The following OSBPL11 variants were observed in gnomAD, a reference collection of about 807,000 sequenced individuals.
OSBPL11 encodes oxysterol binding protein like 11.
Under a neutral mutation model 84.4 loss-of-function variants are expected in OSBPL11, and 33 were observed. The ratio of observed to expected loss-of-function variants is 0.39; its 90% confidence interval spans 0.30 to 0.52. OSBPL11 has a LOEUF of 0.52. OSBPL11 is among the 20% of genes least tolerant of loss of function. The pLI, the probability that OSBPL11 is intolerant of heterozygous loss-of-function variation, is 0.72. For missense variants in OSBPL11, 736 were observed against 901.1 expected, an observed-to-expected ratio of 0.82 and a Z score of 2.35; for synonymous variants, 276 against 310.2, an observed-to-expected ratio of 0.89 and a Z score of 1.16.
At position 125,560,532 on chromosome 3, in the gene OSBPL11, CAAAGCA is replaced by C. The variant is rs1553734127; in HGVS notation, c.1015-19_1015-14del. The C allele has an allele frequency of 6.5e-7, 1 of 1,542,454 alleles. No homozygotes were observed. Among genetic ancestry groups the C allele is most frequent in the Non-Finnish European group, 8.8e-7 (1 of 1,138,988 alleles). ...TTTCTTCAGGCTCCTTGATGGAAAACAAAGCAAAAGTCTAGTATTTTAACTACCTAT... is the reference window on the plus strand; with the variant it reads ...TTTCTTCAGGCTCCTTGATGGAAAACAAAGTCTAGTATTTTAACTACCTAT... On this transcript the variant is annotated splice_polypyrimidine_tract_variant and intron_variant, in intron 7 of 12. Coordinates refer to ENST00000296220, the MANE Select transcript of OSBPL11 (RefSeq NM_022776.5).
At chr3:125,572,378 G>C (rs943153824) in intron 5 of OSBPL11, among the ~76,000 whole-genome samples, 2 of 152,128 alleles carry the variant, frequency 1.3e-5, no homozygotes, top group African/African-American at 4.8e-5. Flanking sequence ...AGTCTTTGGG[G>C]GACTGTTGGG....
chr3:125,578,188 T>C (rs1017349002), intron 4 of OSBPL11, among the ~76,000 whole-genome samples: 1 of 152,082 alleles, frequency 6.6e-6, no homozygotes, highest in African/African-American at 2.4e-5. Context: ...TACTCAGTCT[T>C]AAAAAAGGAA....
At chr3:125,589,773 T>TG (rs1580067625) in intron 1 of OSBPL11, among the ~76,000 whole-genome samples, 2 of 152,216 alleles carry the variant, frequency 1.3e-5, no homozygotes, top group African/African-American at 4.8e-5. Flanking sequence ...GTATTGACAG[T>TG]GGAAGAAACC....
chr3:125,575,315 A>G (rs891844857), intron 5 of OSBPL11, among the ~76,000 whole-genome samples: 4 of 152,086 alleles, frequency 2.6e-5, no homozygotes, highest in Admixed American at 6.6e-5. Flanking sequence ...TAATGATTCT[A>G]TATGTTTGAA....
At position 125,557,791 on chromosome 3, in the gene OSBPL11, CTTTTTTTTTTTTTT is replaced by C. The variant is rs11295103; in HGVS notation, c.1155+2574_1155+2587del. Reference sequence around the variant, plus strand: ...ATATATGTGTAACACATACAACTTTCTTTTTTTTTTTTTTTTTTTTTTTTGAGACAGGGTCTCGC... The same window carrying C: ...ATATATGTGTAACACATACAACTTTCTTTTTTTTTTGAGACAGGGTCTCGC... On this transcript the variant is annotated intron_variant, in intron 8 of 12. Transcript: ENST00000296220. 4.9e-5 allele frequency among the ~76,000 whole-genome samples: 4 copies of C among 81,952 alleles called. No individual in the cohort carries two copies. The East Asian group carries it at 1.4e-3, about 28-fold the overall frequency. 53.8% of individuals were successfully genotyped at this position (81,952 alleles called of 152,430 possible).
chr3:125,583,176 C>G (rs1269370035), intron 1 of OSBPL11, among the ~76,000 whole-genome samples, 198 bp from the exon 2 acceptor site: 1 of 151,996 alleles, frequency 6.6e-6, no homozygotes, highest in Non-Finnish European at 1.5e-5. Context: ...TCAATTTCCT[C>G]AAAACAAGTA....
In OSBPL11 at chr3:125,547,698, T is replaced by C. The variant is rs545111926; in HGVS notation, c.1655-106A>G. 1.1e-5 allele frequency: 9 copies of C among 841,780 alleles called. No homozygotes were observed. The South Asian group carries it at 1.9e-4, about 17-fold the overall frequency. The allele number at this position is 841,780 out of a possible 1,614,324, so 52.1% of individuals were successfully genotyped here. A position where few individuals can be genotyped will look rare whatever the true frequency, so the allele number is the denominator to read the frequency against. ...TCTAGTAAATAAGCATCATTATTTT[T>C]CCTAACCTTCATTTAACTTTCAATG... On this transcript the variant is annotated intron_variant, in intron 9 of 12. Coordinates refer to ENST00000296220, the MANE Select transcript of OSBPL11 (RefSeq NM_022776.5).
rs1010468148 is a variant in OSBPL11 at position 125,558,426 on chromosome 3, T to C, written c.1155+1953A>G. Among the ~76,000 whole-genome samples, 18 of 152,366 alleles carry C rather than the reference T, an allele frequency of 1.2e-4. No homozygotes were observed. The East Asian group carries it at 3.3e-3, about 28-fold the overall frequency. The stretch of plus-strand genomic sequence containing the variant: ...ATTCCCAGTTGAAATACTGAAGCTA[T>C]ATAAATAATGAAAGCTTTATGGGTT... On this transcript the variant is annotated intron_variant, in intron 8 of 12. Coordinates refer to ENST00000296220, the MANE Select transcript of OSBPL11 (RefSeq NM_022776.5).
At chr3:125,549,536 C>G (rs1935869816) in intron 9 of OSBPL11, among the ~76,000 whole-genome samples, 2 of 152,184 alleles carry the variant, frequency 1.3e-5, no homozygotes, top group South Asian at 2.1e-4. Context: ...GGCTGGAGTA[C>G]AGTGGCACGA....
At chr3:125,547,256 G>T in intron 10 of OSBPL11, 150 bp downstream of exon 10, 1 of 688,152 alleles carries the variant, frequency 1.5e-6, no homozygotes, top group East Asian at 3.1e-5. Context: ...ATGACTTTCA[G>T]AATGCTTTAA....
chr3:125,539,842 T>C (rs903591218), intron 10 of OSBPL11, among the ~76,000 whole-genome samples: 5 of 152,126 alleles, frequency 3.3e-5, no homozygotes, highest in Admixed American at 2.6e-4. Flanking sequence ...TAGGGAATGA[T>C]AGGCAAAGGT....
chr3:125,580,412 G>A (rs2979380), intron 2 of OSBPL11, among the ~76,000 whole-genome samples: 44,504 of 150,964 alleles, frequency 0.29, 7,191 homozygotes, highest in African/African-American at 0.44. Flanking sequence ...TACTCGGGAG[G>A]CTGAGGCAGG....
At chr3:125,579,822 A>G in intron 3 of OSBPL11, 43 bp downstream of exon 3, 1 of 1,586,300 alleles carries the variant, frequency 6.3e-7, no homozygotes, top group East Asian at 2.2e-5. Flanking sequence ...CTTCTCAAAA[A>G]AAGAGGAAAA....
Position 125,552,455 on chromosome 3 carries a change from G to C in OSBPL11, c.1380C>G (p.Ser460=). ...NPIIGETFHC[S]WKMPKSEVAS... is the part of the protein sequence containing the mutation. ...CTACCTCGCTTTTTGGCATCTTCCAGGAACAGTGAAATGTTTCTCCAATGA... is the reference window on the plus strand; with the variant it reads ...CTACCTCGCTTTTTGGCATCTTCCACGAACAGTGAAATGTTTCTCCAATGA... The change falls in exon 9 of 13, where the codon TCC becomes TCG. Residue 460 remains serine, a synonymous_variant. Transcript: ENST00000296220. 2 of 1,614,174 alleles carry C rather than the reference G, an allele frequency of 1.2e-6. No individual in the cohort carries two copies. Among genetic ancestry groups the C allele is most frequent in the Non-Finnish European group, 1.7e-6 (2 of 1,180,038 alleles).
intron 9 of OSBPL11, among the ~76,000 whole-genome samples, chr3:125,551,202 TA>T (rs71629415): frequency 0.067 from 8,243 of 123,676 alleles, 369 homozygotes; most frequent in Non-Finnish European, 0.099. Context: ...TAAATTAAAT[TA>T]AAAAAAAGGA....
At chr3:125,540,375 G>C (rs1318624774) in intron 10 of OSBPL11, among the ~76,000 whole-genome samples, 1 of 138,142 alleles carries the variant, frequency 7.2e-6, no homozygotes, top group Non-Finnish European at 1.5e-5. Flanking sequence ...TTGTATAGTT[G>C]TAGCTCACTG....
At chr3:125,550,339 C>T (rs1372239153) in intron 9 of OSBPL11, among the ~76,000 whole-genome samples, 1 of 150,394 alleles carries the variant, frequency 6.6e-6, no homozygotes, top group African/African-American at 2.4e-5. Flanking sequence ...GGCCCCACTG[C>T]ACTTCAACCT....
At chr3:125,530,717 T>C in intron 12 of OSBPL11, 137 bp from the exon 13 acceptor site, 1 of 715,910 alleles carries the variant, frequency 1.4e-6, no homozygotes, top group Non-Finnish European at 2.4e-6. Context: ...GAATAAAGTC[T>C]TTGTGATTAA....
intron 2 of OSBPL11, among the ~76,000 whole-genome samples, chr3:125,580,470 A>C (rs56022566): frequency 0.069 from 9,941 of 143,306 alleles, 461 homozygotes; most frequent in Non-Finnish European, 0.099. Context: ...ACTAAGATCG[A>C]GCCACTGCAC....
Sources: allele counts gnomAD v4.1 joint callset (sites outside exome capture counted in the v4.1 genomes callset), GRCh38; gene constraint gnomAD v4.1.1; transcripts MANE v1.5; gene names NCBI Gene and HGNC (gene_info 2026-07-23, HGNC 2026-07-21).